The following MYLK variants were observed in gnomAD, a reference collection of about 807,000 sequenced individuals.
The protein encoded by MYLK is myosin light chain kinase.
A neutral mutation model predicts 203.4 loss-of-function variants in MYLK; 106 were observed. The observed-to-expected ratio is 0.52, with a 90% CI of 0.45 to 0.61. The LOEUF (loss-of-function observed/expected upper bound fraction) is 0.61, where lower values mean the gene tolerates loss of function less well. MYLK is among the 20% of genes least tolerant of loss of function. MYLK has a pLI of 0.00. For synonymous variants in MYLK, 867 were observed against 959.5 expected (o/e 0.90, Z 1.78); for missense variants, 2,072 against 2,442.3 (o/e 0.85, Z 3.20).
At chr3:123,767,893 G>A (rs983412581) in intron 4 of MYLK, among the ~76,000 whole-genome samples, 1 of 152,224 alleles carries the variant, frequency 6.6e-6, no homozygotes, top group African/African-American at 2.4e-5. Context: ...CCAGCTTCGG[G>A]TTAGGAATTG....
intron 19 of MYLK, among the ~76,000 whole-genome samples, chr3:123,685,046 G>C (rs1255976292): frequency 6.6e-6 from 1 of 152,220 alleles, no homozygotes; most frequent in South Asian, 2.1e-4. Flanking sequence ...AGGGCAGCAG[G>C]TACTGAGACT....
chr3:123,700,332 T>G lies in MYLK; in HGVS notation c.3136A>C (p.Thr1046Pro), dbSNP rs1414759889. Residue 1046 changes from threonine to proline, a missense_variant, in exon 18 of 34, where the codon ACC (threonine) becomes CCC (proline). By Grantham distance (38) the Thr-to-Pro change is conservative (BLOSUM62 -1). This residue lies in a region of MYLK where 865 missense variants were observed against 1,016.0 expected (regional missense o/e 0.85). Coordinates refer to ENST00000360304, the MANE Select transcript of MYLK (RefSeq NM_053025.4). ...KPMGNAKPAE[T>P]LKPMGNAKPD... is the part of the protein sequence containing the mutation. ...TTGGCATTGCCCATGGGCTTCAGGG[T>G]CTCGGCAGGCTTGGCGTTGCCCATT... 6.2e-7 allele frequency: 1 copy of G among 1,613,802 alleles called. No individual in the cohort carries two copies. The highest frequency in any genetic ancestry group is 2.2e-5 in the East Asian group (1 of 44,866).
At chr3:123,836,361 T>C (rs2066475161) in intron 2 of MYLK, among the ~76,000 whole-genome samples, 2 of 152,236 alleles carry the variant, frequency 1.3e-5, no homozygotes, top group Admixed American at 6.5e-5. Context: ...TCACATCTTC[T>C]AGAGATATGT....
rs199719143 is a variant in MYLK at position 123,733,777 on chromosome 3, C to T, written c.1219G>A (p.Gly407Ser). 7 of 1,614,198 alleles carry T rather than the reference C, an allele frequency of 4.3e-6. No homozygotes were observed. In the African/African-American group the frequency reaches 8.0e-5, roughly 18 times the overall value. The change falls in exon 10 of 34, where the codon GGC becomes AGC. Residue 407 changes from glycine to serine, a missense_variant. By Grantham distance (56) the Gly-to-Ser change is moderately conservative. Transcript: ENST00000360304. ...KAANRRIPME[G>S]QRDSAFPKFE... ...TTGGGGAATGCTGAATCCCTCTGGC[C>T]CTCCATGGGGATTCTCCTGTTAGCA...
chr3:123,713,579 ATGTGTGTGTGTGTGTGTGTGTGTG>A (rs3085274), intron 13 of MYLK, among the ~76,000 whole-genome samples: 256 of 136,488 alleles, frequency 1.9e-3, no homozygotes, highest in African/African-American at 6.9e-3. Flanking sequence ...GAGCAACACA[ATGTGTGTGTGTGTGTGTGTGTGTG>A]TGTGTGTGTG....
chr3:123,666,906 G>A, intron 21 of MYLK: 2 of 611,298 alleles, frequency 3.3e-6, no homozygotes, highest in South Asian at 3.9e-5. Flanking sequence ...GTCAACATGG[G>A]AGGCAGATGG....
chr3:123,670,835 C>T (rs1374302891), intron 20 of MYLK, among the ~76,000 whole-genome samples: 1 of 152,240 alleles, frequency 6.6e-6, no homozygotes, highest in Non-Finnish European at 1.5e-5. Context: ...GTAGCTATCA[C>T]ATTGTGTTGA....
chr3:123,815,792 A>G lies in MYLK; in HGVS notation c.-4+15756T>C, dbSNP rs536206208. Among the ~76,000 whole-genome samples the G allele has an allele frequency of 3.8e-4, 58 of 152,390 alleles. 1 individual carries two copies. In the South Asian group the frequency reaches 0.012, roughly 31 times the overall value. On this transcript the variant is annotated intron_variant, in intron 3 of 33. Coordinates refer to ENST00000360304, the MANE Select transcript of MYLK (RefSeq NM_053025.4). ...CTCTAATCTCAGTTTATGTCCTTCA[A>G]ACTTTTTAGAAATTCATGTGTTCTT...
chr3:123,763,882 A>G (rs1217524752), intron 4 of MYLK, among the ~76,000 whole-genome samples: 1 of 152,094 alleles, frequency 6.6e-6, no homozygotes, highest in Non-Finnish European at 1.5e-5. Flanking sequence ...TGTTTTGAGA[A>G]TTCTCTCTCT....
chr3:123,820,121 C>G (rs2065874448), intron 3 of MYLK, among the ~76,000 whole-genome samples: 2 of 152,206 alleles, frequency 1.3e-5, no homozygotes, highest in Admixed American at 6.5e-5. Flanking sequence ...AACAACCCTG[C>G]CTGTAAAAGG....
intron 33 of MYLK, chr3:123,618,435 C>T (rs2057640027): frequency 1.7e-6 from 1 of 602,238 alleles, no homozygotes; most frequent in Middle Eastern, 4.6e-4. Flanking sequence ...GGGGAAGTGA[C>T]TGAAGGACAC....
intron 3 of MYLK, among the ~76,000 whole-genome samples, chr3:123,825,705 T>C (rs1230539525): frequency 6.6e-6 from 1 of 152,194 alleles, no homozygotes; most frequent in Non-Finnish European, 1.5e-5. Context: ...GCACTGGAGC[T>C]CCATTTTCCT....
At chr3:123,830,142 G>T (rs2066273347) in intron 3 of MYLK, among the ~76,000 whole-genome samples, 1 of 152,112 alleles carries the variant, frequency 6.6e-6, no homozygotes, top group African/African-American at 2.4e-5. Context: ...AAAATAGAAG[G>T]GACTTGCATT....
intron 1 of MYLK, among the ~76,000 whole-genome samples, chr3:123,880,908 G>A (rs2033492586): frequency 6.6e-6 from 1 of 152,210 alleles, no homozygotes; most frequent in Non-Finnish European, 1.5e-5. Context: ...ATGCAACAAG[G>A]AGGAGGGATG....
chr3:123,613,596 G>T lies in MYLK; in HGVS notation c.*509C>A, dbSNP rs954934146. On this transcript the variant is annotated 3_prime_UTR_variant, in exon 34 of 34. Transcript: ENST00000360304. Reference sequence around the variant, plus strand: ...GAAATGGAGAGTTTGAACATCTGCAGTGTACTTTGGAATAAAGTGGCTCAA... The same window carrying T: ...GAAATGGAGAGTTTGAACATCTGCATTGTACTTTGGAATAAAGTGGCTCAA... 5.3e-6 allele frequency: 1 copy of T among 188,062 alleles called. No individual in the cohort carries two copies. Among genetic ancestry groups the T allele is most frequent in the Non-Finnish European group, 1.1e-5 (1 of 89,898 alleles). 11.6% of individuals were successfully genotyped at this position (188,062 alleles called of 1,614,324 possible).
intron 2 of MYLK, among the ~76,000 whole-genome samples, chr3:123,874,315 A>G (rs1299214051): frequency 6.6e-6 from 1 of 152,180 alleles, no homozygotes; most frequent in Non-Finnish European, 1.5e-5. Flanking sequence ...AATCAATGGG[A>G]CAGAATACTC....
rs1302204293 is a variant in MYLK at position 123,840,425 on chromosome 3, CTA to C, written c.-126-8757_-126-8756del. On this transcript the variant is annotated intron_variant, in intron 2 of 33. Coordinates refer to ENST00000360304, the MANE Select transcript of MYLK (RefSeq NM_053025.4). ...ATATATATAGAACAAGTCTCTCTCT[CTA>C]TATATATATAAACAAATCTATGTCA... Among the ~76,000 whole-genome samples, 257 of 149,592 alleles carry C rather than the reference CTA, an allele frequency of 1.7e-3. 1 individual carries two copies. The highest frequency in any genetic ancestry group is 5.6e-3 in the African/African-American group (228 of 41,000).
At chr3:123,843,336 G>A (rs2066637906) in intron 2 of MYLK, among the ~76,000 whole-genome samples, 1 of 152,200 alleles carries the variant, frequency 6.6e-6, no homozygotes, top group Admixed American at 6.6e-5. Context: ...AGTGACTAGT[G>A]ACCACATCTC....
At chr3:123,628,123 T>A (rs2058240588) in intron 30 of MYLK, among the ~76,000 whole-genome samples, 1 of 152,198 alleles carries the variant, frequency 6.6e-6, no homozygotes, top group Non-Finnish European at 1.5e-5. Context: ...GTCATGCCCA[T>A]TTCTGATACA....
Sources: gnomAD v4.1 joint callset for allele counts (sites outside exome capture counted in the v4.1 genomes callset) on GRCh38, gnomAD v4.1.1 for gene constraint, gnomAD v4.1.1 regional missense constraint, MANE v1.5 for transcripts, NCBI Gene and HGNC (gene_info 2026-07-23, HGNC 2026-07-21) for gene names.